ZBTB20: variants seen among roughly 807,000 people sequenced by gnomAD.
ZBTB20 encodes zinc finger and BTB domain containing 20.
A neutral mutation model predicts 56.9 loss-of-function variants in ZBTB20; 9 were observed. That is an observed-to-expected ratio of 0.16 (90% CI 0.10 to 0.28). The LOEUF (loss-of-function observed/expected upper bound fraction) is 0.28, where lower values mean the gene tolerates loss of function less well. Ranked by LOEUF, ZBTB20 falls within the 10% of genes least tolerant of loss-of-function variation. The pLI is 1.00. For missense variants in ZBTB20, 655 were observed against 1,003.0 expected (o/e 0.65, Z 4.69); for synonymous variants, 417 against 420.7 (o/e 0.99, Z 0.11).
At chr3:114,389,744 C>T (rs746679028) in intron 7 of ZBTB20, among the ~76,000 whole-genome samples, 4 of 151,892 alleles carry the variant, frequency 2.6e-5, no homozygotes, top group Non-Finnish European at 5.9e-5. Context: ...AAAAAATTAG[C>T]CAGGCGTGAT....
At chr3:115,146,641 C>A (rs2084984640) in intron 1 of ZBTB20, among the ~76,000 whole-genome samples, 1 of 152,170 alleles carries the variant, frequency 6.6e-6, no homozygotes, top group Non-Finnish European at 1.5e-5. Flanking sequence ...GGAGAGACAT[C>A]CAGCGGCTGT....
chr3:115,046,176 G>A (rs2081326377), intron 2 of ZBTB20, among the ~76,000 whole-genome samples: 1 of 152,156 alleles, frequency 6.6e-6, no homozygotes, highest in Non-Finnish European at 1.5e-5. Flanking sequence ...CAGAGGTTAC[G>A]AAAAGGTTTC....
At chr3:114,737,133 T>C (rs1560188177) in intron 5 of ZBTB20, among the ~76,000 whole-genome samples, 1 of 152,168 alleles carries the variant, frequency 6.6e-6, no homozygotes, top group Non-Finnish European at 1.5e-5. Context: ...TGAATTAATA[T>C]TAGAACCCAT....
intron 6 of ZBTB20, among the ~76,000 whole-genome samples, chr3:114,546,757 T>C (rs939063380): frequency 5.9e-5 from 9 of 152,062 alleles, no homozygotes; most frequent in African/African-American, 2.2e-4. Context: ...AAACAAAACC[T>C]ATACAGGCAA....
chr3:115,105,120 C>A (rs2083684828), intron 1 of ZBTB20, among the ~76,000 whole-genome samples: 1 of 152,058 alleles, frequency 6.6e-6, no homozygotes, highest in African/African-American at 2.4e-5. Context: ...ATGCAACCAT[C>A]CTGAGTTTCA....
intron 5 of ZBTB20, among the ~76,000 whole-genome samples, chr3:114,711,362 A>G (rs537916428): frequency 2.2e-4 from 33 of 152,266 alleles, no homozygotes; most frequent in African/African-American, 5.3e-4. Flanking sequence ...GTAGATGAAT[A>G]AAGTGTTCCA....
intron 5 of ZBTB20, among the ~76,000 whole-genome samples, chr3:114,784,755 T>A (rs2070370627): frequency 1.3e-5 from 2 of 152,342 alleles, no homozygotes; most frequent in South Asian, 4.1e-4. Context: ...TTTCCTCAGA[T>A]TACAGATGAT....
intron 2 of ZBTB20, among the ~76,000 whole-genome samples, chr3:115,028,711 TTA>T (rs2108334371): frequency 6.6e-6 from 1 of 150,630 alleles, no homozygotes; most frequent in East Asian, 1.9e-4. Context: ...TATGATAAAT[TTA>T]TATAAGTATG....
At chr3:115,050,852 T>G (rs1326309770) in intron 2 of ZBTB20, among the ~76,000 whole-genome samples, 1 of 152,048 alleles carries the variant, frequency 6.6e-6, no homozygotes, top group Non-Finnish European at 1.5e-5. Flanking sequence ...AAAAGGATGG[T>G]AATAAGATGA....
intron 7 of ZBTB20, among the ~76,000 whole-genome samples, chr3:114,477,381 T>C (rs1241089778): frequency 1.3e-5 from 2 of 152,178 alleles, no homozygotes; most frequent in South Asian, 4.2e-4. Context: ...AACTGATGCT[T>C]AAAGGTGAAT....
intron 8 of ZBTB20, among the ~76,000 whole-genome samples, chr3:114,382,677 T>C (rs550033193): frequency 4.6e-5 from 7 of 152,318 alleles, no homozygotes; most frequent in African/African-American, 1.7e-4. Context: ...AGCTCTTTTT[T>C]TTCTTAATCT....
intron 7 of ZBTB20, among the ~76,000 whole-genome samples, chr3:114,470,944 C>G (rs2040055441): frequency 6.6e-6 from 1 of 152,152 alleles, no homozygotes; most frequent in Non-Finnish European, 1.5e-5. Context: ...TCTCTGATCT[C>G]CTGGAGCAGA....
intron 6 of ZBTB20, among the ~76,000 whole-genome samples, chr3:114,567,288 C>T (rs2052888607): frequency 6.6e-6 from 1 of 152,012 alleles, no homozygotes; most frequent in African/African-American, 2.4e-5. Flanking sequence ...TCTACAGGGT[C>T]CTCGGGAAAA....
intron 2 of ZBTB20, among the ~76,000 whole-genome samples, chr3:115,033,517 G>T (rs1043533395): frequency 4.0e-5 from 6 of 151,362 alleles, no homozygotes; most frequent in African/African-American, 1.2e-4. Flanking sequence ...CCCACTGCTG[G>T]GTATGTATAT....
At chr3:114,434,333 C>T (rs1459157164) in intron 7 of ZBTB20, among the ~76,000 whole-genome samples, 5 of 151,922 alleles carry the variant, frequency 3.3e-5, no homozygotes, top group Non-Finnish European at 7.4e-5. Context: ...AGTTGGAATC[C>T]ATGTTCTCTA....
intron 2 of ZBTB20, among the ~76,000 whole-genome samples, chr3:115,004,466 G>A (rs2079384954): frequency 6.6e-6 from 1 of 151,454 alleles, no homozygotes; most frequent in South Asian, 2.1e-4. Context: ...TAGCAAAACT[G>A]GACAACTCTC....
chr3:114,753,517 C>A (rs2067769304), intron 5 of ZBTB20, among the ~76,000 whole-genome samples: 1 of 150,660 alleles, frequency 6.6e-6, no homozygotes. Flanking sequence ...TCACTGCAAC[C>A]TCCGCCTCCC....
intron 6 of ZBTB20, among the ~76,000 whole-genome samples, chr3:114,547,747 G>A (rs1686885769): frequency 6.6e-6 from 1 of 152,074 alleles, no homozygotes; most frequent in Non-Finnish European, 1.5e-5. Flanking sequence ...TTTATTAAGT[G>A]CATACTAGGT....
chr3:114,598,098 G>C (rs896097004), intron 6 of ZBTB20, among the ~76,000 whole-genome samples: 3 of 152,108 alleles, frequency 2.0e-5, no homozygotes, highest in Non-Finnish European at 4.4e-5. Context: ...GGATCACAAA[G>C]AGACATTATC....
Sources: allele counts gnomAD v4.1 joint callset (sites outside exome capture counted in the v4.1 genomes callset), GRCh38; gene constraint gnomAD v4.1.1; transcripts MANE v1.5; gene names NCBI Gene and HGNC (gene_info 2026-07-23, HGNC 2026-07-21).